MTHFD2L: variants seen among roughly 807,000 people sequenced by gnomAD.
MTHFD2L encodes the protein methylenetetrahydrofolate dehydrogenase (NADP+ dependent) 2 like, also known as bifunctional methylenetetrahydrofolate dehydrogenase/cyclohydrolase 2, mitochondrial.
In MTHFD2L, 29 loss-of-function variants were observed where a neutral mutation model predicts 34.9. The observed-to-expected ratio is 0.83, with a 90% CI of 0.62 to 1.13. The LOEUF is 1.13. Among genes scored for constraint, MTHFD2L ranks in the 50% most tolerant of loss-of-function variants. The probability of loss-of-function intolerance (pLI) is 0.00; values close to 1 mark genes in which losing one functional copy is unlikely to be tolerated. For synonymous variants in MTHFD2L, 167 were observed against 155.7 expected, an observed-to-expected ratio of 1.07 and a Z score of -0.54; for missense variants, 481 against 446.5, an observed-to-expected ratio of 1.08 and a Z score of -0.70.
At chr4:74,294,308 C>T (rs760249376) in intron 7 of MTHFD2L, among the ~76,000 whole-genome samples, 2 of 151,894 alleles carry the variant, frequency 1.3e-5, no homozygotes, top group Non-Finnish European at 2.9e-5. Flanking sequence ...ATATAATGTA[C>T]TGAAGTAGAA....
intron 1 of MTHFD2L, among the ~76,000 whole-genome samples, chr4:74,151,286 T>C (rs904603892): frequency 2.0e-5 from 3 of 152,184 alleles, no homozygotes; most frequent in African/African-American, 4.8e-5. Flanking sequence ...CCACCATTCA[T>C]TGGAAAATTA....
chr4:74,182,970 G>C (rs1044617823), intron 3 of MTHFD2L: 1 of 152,110 alleles, frequency 6.6e-6, no homozygotes, highest in Non-Finnish European at 1.5e-5. Context: ...TGGGATTTCA[G>C]ATTTTTTTAA....
chr4:74,134,336 C>T (rs1241050243), intron 1 of MTHFD2L, among the ~76,000 whole-genome samples: 5 of 152,138 alleles, frequency 3.3e-5, no homozygotes, highest in African/African-American at 1.2e-4. Flanking sequence ...CACCCGTGGC[C>T]GGCCTTCCCA....
At chr4:74,224,138 G>A (rs371922877) in intron 5 of MTHFD2L, 35 of 152,064 alleles carry the variant, frequency 2.3e-4, no homozygotes, top group African/African-American at 8.2e-4. Flanking sequence ...TTCTAAAATA[G>A]CCCCTCTATG....
upstream of MTHFD2L, chr4:74,123,413 A>G (rs1721853449): frequency 6.6e-6 from 1 of 152,138 alleles, no homozygotes; most frequent in Non-Finnish European, 1.5e-5. Context: ...TTTCTGTAGC[A>G]CTGTGTGAAG....
intron 5 of MTHFD2L, among the ~76,000 whole-genome samples, chr4:74,214,811 G>A (rs1390229394): frequency 2.0e-5 from 3 of 151,800 alleles, no homozygotes; most frequent in Admixed American, 6.6e-5. Context: ...GCCCACAGCC[G>A]CCCCTTCCCC....
chr4:74,115,603 A>C (rs1482077660), intron 2 of MTHFD2L, among the ~76,000 whole-genome samples: 3 of 152,248 alleles, frequency 2.0e-5, no homozygotes, highest in Admixed American at 2.0e-4. Flanking sequence ...AGAAATTAGG[A>C]GCCCACTAGC....
In MTHFD2L at chr4:74,294,500, A is replaced by G. The variant is rs115204004; in HGVS notation, c.932-7197A>G. Among the ~76,000 whole-genome samples, 1,433 of 152,238 alleles carry G rather than the reference A, an allele frequency of 9.4e-3. 27 individuals carry two copies. The highest frequency in any genetic ancestry group is 0.033 in the African/African-American group (1,356 of 41,536). On this transcript the variant is annotated intron_variant, in intron 7 of 7. Transcript: ENST00000325278. ...ATGGATTGATGGTGCCAGAAGATTC[A>G]TGACCACGTACTTTCTGTTTTATTC...
intron 1 of MTHFD2L, among the ~76,000 whole-genome samples, chr4:74,171,779 G>A (rs1014142452): frequency 6.6e-6 from 1 of 152,138 alleles, no homozygotes; most frequent in Non-Finnish European, 1.5e-5. Flanking sequence ...CTGCAGCCTG[G>A]GTGATGGAGA....
intron 1 of MTHFD2L, among the ~76,000 whole-genome samples, chr4:74,171,454 TAAACATACACTTACG>T (rs1262038107): frequency 6.6e-6 from 1 of 152,172 alleles, no homozygotes; most frequent in Non-Finnish European, 1.5e-5. Context: ...TTAACGTATT[TAAACATACACTTACG>T]ATGTGACCTA....
intron 3 of MTHFD2L, among the ~76,000 whole-genome samples, chr4:74,191,089 T>C (rs1578411207): frequency 2.0e-5 from 3 of 152,050 alleles, no homozygotes; most frequent in Admixed American, 2.0e-4. Context: ...TTACTAGAGA[T>C]GGGGTTTCAC....
chr4:74,236,367 A>G (rs1740834644), intron 6 of MTHFD2L, among the ~76,000 whole-genome samples: 5 of 152,206 alleles, frequency 3.3e-5, no homozygotes, highest in Admixed American at 3.3e-4. Flanking sequence ...TAGATTGCCT[A>G]AATTTTGCTT....
At chr4:74,182,771 G>C (rs924333148) in intron 3 of MTHFD2L, 2 of 152,168 alleles carry the variant, frequency 1.3e-5, no homozygotes, top group Non-Finnish European at 2.9e-5. Flanking sequence ...AAAAGGAAGA[G>C]ACATTTTTGG....
At chr4:74,220,897 A>G (rs897886560) in intron 5 of MTHFD2L, among the ~76,000 whole-genome samples, 9 of 150,840 alleles carry the variant, frequency 6.0e-5, no homozygotes, top group Admixed American at 4.0e-4. Context: ...TTCAATTTCT[A>G]CAGTTAAATG....
At chr4:74,144,496 G>C (rs1404204117) in intron 1 of MTHFD2L, among the ~76,000 whole-genome samples, 3 of 151,994 alleles carry the variant, frequency 2.0e-5, no homozygotes, top group African/African-American at 7.2e-5. Context: ...AAAAATAATT[G>C]TTCACTCTAT....
At chr4:74,270,419 T>C (rs1438086459) in intron 6 of MTHFD2L, among the ~76,000 whole-genome samples, 2 of 151,410 alleles carry the variant, frequency 1.3e-5, no homozygotes, top group Non-Finnish European at 2.9e-5. Context: ...GAACATGCAG[T>C]GTTTGGTTTT....
At chr4:74,262,319 A>G (rs115534052) in intron 6 of MTHFD2L, among the ~76,000 whole-genome samples, 2,352 of 152,030 alleles carry the variant, frequency 0.015, 36 homozygotes, top group Non-Finnish European at 0.021. Context: ...TCATAAATTT[A>G]GAGCAGGTAG....
intron 1 of MTHFD2L, among the ~76,000 whole-genome samples, chr4:74,150,104 A>C (rs938601361): frequency 6.6e-6 from 1 of 152,152 alleles, no homozygotes; most frequent in African/African-American, 2.4e-5. Context: ...AGCCAAAGAA[A>C]GTGGGTAGGT....
At chr4:74,217,079 C>T (rs981448382) in intron 5 of MTHFD2L, among the ~76,000 whole-genome samples, 1 of 151,836 alleles carries the variant, frequency 6.6e-6, no homozygotes, top group Admixed American at 6.6e-5. Flanking sequence ...CATTCTCATG[C>T]CCCATCACTG....
Sources: allele counts gnomAD v4.1 joint callset (sites outside exome capture counted in the v4.1 genomes callset), GRCh38; gene constraint gnomAD v4.1.1; transcripts MANE v1.5; gene names NCBI Gene and HGNC (gene_info 2026-07-23, HGNC 2026-07-21).